HPD: variants seen among roughly 807,000 people sequenced by gnomAD.
HPD encodes 4-hydroxyphenylpyruvic acid oxidase.
A neutral mutation model predicts 56.9 loss-of-function variants in HPD; 35 were observed. That is an observed-to-expected ratio of 0.62 (90% CI 0.47 to 0.82). The LOEUF is 0.82. Ranked by LOEUF, HPD falls within the 40% of genes least tolerant of loss-of-function variation. HPD has a pLI of 0.00. For missense variants in HPD, 442 were observed against 506.8 expected, an observed-to-expected ratio of 0.87 and a Z score of 1.23; for synonymous variants, 186 against 200.2, an observed-to-expected ratio of 0.93 and a Z score of 0.60.
the HPD span, among the ~76,000 whole-genome samples, chr12:121,877,158 C>A: frequency 6.6e-6 from 1 of 151,284 alleles, no homozygotes; most frequent in Non-Finnish European, 1.5e-5. Flanking sequence ...AAGTGAGTGA[C>A]TACATGTCCA....
At chr12:121,845,588 C>A (rs1291811080) in intron 11 of HPD, among the ~76,000 whole-genome samples, 4 of 139,108 alleles carry the variant, frequency 2.9e-5, no homozygotes, top group South Asian at 2.5e-4. Flanking sequence ...GCGACAGAGC[C>A]AGGCTCCGTC....
intron 6 of HPD, 89 bp from the exon 7 acceptor site, chr12:121,854,881 G>T (rs756963509): frequency 1.0e-6 from 1 of 987,574 alleles, no homozygotes; most frequent in Non-Finnish European, 1.6e-6. Context: ...CCTCTGCGTG[G>T]TCCTGCAGGC....
the HPD span, among the ~76,000 whole-genome samples, chr12:121,886,993 C>T: frequency 1.4e-3 from 213 of 152,184 alleles, 1 homozygote; most frequent in Admixed American, 2.3e-3. Context: ...TCTGCCTCCC[C>T]GGTTCAAGCG....
chr12:121,886,056 A>G, the HPD span, among the ~76,000 whole-genome samples: 1 of 151,654 alleles, frequency 6.6e-6, no homozygotes, highest in East Asian at 2.0e-4. Flanking sequence ...CGGTCTCCCA[A>G]AATGCTGAGA....
the HPD span, among the ~76,000 whole-genome samples, chr12:121,876,808 G>T: frequency 6.6e-6 from 1 of 152,144 alleles, no homozygotes; most frequent in Non-Finnish European, 1.5e-5. Context: ...CTGTGGCAGG[G>T]CGCGGTGGCT....
chr12:121,849,920 G>A (rs1877710718), intron 7 of HPD, 130 bp from the exon 8 acceptor site: 1 of 696,216 alleles, frequency 1.4e-6, no homozygotes, highest in East Asian at 2.7e-5. Context: ...CGTGATCTTG[G>A]GTAAGTCACT....
chr12:121,856,588 T>A lies in HPD; in HGVS notation c.236A>T (p.Asn79Ile), dbSNP rs377187859. Residue 79 changes from asparagine to isoleucine, a missense_variant, in exon 5 of 14, where the codon AAC becomes ATC. Asn to Ile is a moderately radical substitution (Grantham distance 149, BLOSUM62 -3). Coordinates refer to ENST00000289004, the MANE Select transcript of HPD (RefSeq NM_002150.3). ...FVLSSALNPW[N>I]KEMGDHLVKH... The stretch of plus-strand genomic sequence containing the variant: ...ACCCTCCCCGGGCACCTCACCTTTG[T>A]TCCAGGGGTTGAGCGCTGAGGAGAG... 1.9e-6 allele frequency: 3 copies of A among 1,613,952 alleles called. No individual in the cohort carries two copies. In the African/African-American group the frequency reaches 4.0e-5, roughly 22 times the overall value.
At chr12:121,862,698 C>CT (rs34868560), upstream of HPD, among the ~76,000 whole-genome samples, 370 of 54,992 alleles carry the variant, frequency 6.7e-3, 23 homozygotes, top group Non-Finnish European at 7.9e-3. Flanking sequence ...TCAATGCAAG[C>CT]TTTTTTTTTT....
At chr12:121,840,459 C>T (rs1350925808) in intron 12 of HPD, among the ~76,000 whole-genome samples, 1 of 152,200 alleles carries the variant, frequency 6.6e-6, no homozygotes, top group East Asian at 1.9e-4. Context: ...GGCTACCATG[C>T]CCGGCTAATT....
chr12:121,840,776 A>C (rs1877381060), intron 12 of HPD, among the ~76,000 whole-genome samples: 2 of 146,822 alleles, frequency 1.4e-5, no homozygotes, highest in Non-Finnish European at 3.0e-5. Context: ...ATACGGATTA[A>C]AAAAAAAAAA....
chr12:121,880,433 A>G, the HPD span, among the ~76,000 whole-genome samples: 2 of 152,034 alleles, frequency 1.3e-5, no homozygotes, highest in Admixed American at 1.3e-4. Context: ...TGACCTCGTG[A>G]TCCACCCGCC....
upstream of HPD, chr12:121,858,920 C>T: frequency 6.9e-7 from 1 of 1,454,700 alleles, no homozygotes; most frequent in Non-Finnish European, 9.6e-7. Flanking sequence ...GGCCTCCTGG[C>T]CTACCTGGGG....
rs182295641 is a variant in HPD, at chr12:121,853,929, C to T, written c.414+774G>A. ...TCCAGCCTGGGCGACAGAGAGACTC[C>T]GTCTGAAAAAAGAAAAAAGAATAAA... On this transcript the variant is annotated intron_variant, in intron 7 of 13. Coordinates refer to ENST00000289004, the MANE Select transcript of HPD (RefSeq NM_002150.3). Among the ~76,000 whole-genome samples, 48 of 135,162 alleles carry T rather than the reference C, an allele frequency of 3.6e-4. 1 individual carries two copies. The highest frequency in any genetic ancestry group is 1.3e-3 in the African/African-American group (48 of 35,868). 88.7% of individuals were successfully genotyped at this position (135,162 alleles called of 152,430 possible).
chr12:121,885,664 T>A, the HPD span, among the ~76,000 whole-genome samples: 76 of 151,680 alleles, frequency 5.0e-4, no homozygotes, highest in Admixed American at 2.3e-3. Context: ...ACAATTTTTT[T>A]AAAAATCAGG....
chr12:121,856,394 T>TGATC lies in HPD; in HGVS notation c.250_253dup (p.His85ArgfsTer8), dbSNP rs1386803894. 1 of 1,614,164 alleles carries TGATC rather than the reference T, an allele frequency of 6.2e-7. No homozygotes were observed. Among genetic ancestry groups the TGATC allele is most frequent in the African/African-American group, 1.3e-5 (1 of 75,054 alleles). On this transcript the variant is annotated frameshift_variant, in exon 6 of 14. Coordinates refer to ENST00000289004, the MANE Select transcript of HPD (RefSeq NM_002150.3). LOFTEE classifies it high-confidence loss of function. ...CACTCCGTCACCGTGTTTCACCAGG[T>TGATC]GATCGCCCATCTCTGTGGCCGGCAG...
chr12:121,843,718 C>T lies in HPD; in HGVS notation c.946G>A (p.Ala316Thr). ...TCCTGCCTGGGCCTCACCTCCAGGG[C>T]ATCAATGTTCTCCTTCACCTTGATC... ...AKIKVKENID[A>T]LEELKILVDY... Residue 316 changes from alanine (A) to threonine (T), a missense_variant, in exon 12 of 14, where the codon GCC becomes ACC. Coordinates refer to ENST00000289004, the MANE Select transcript of HPD (RefSeq NM_002150.3). The T allele has an allele frequency of 6.2e-7, 1 of 1,614,098 alleles. No homozygotes were observed. Among genetic ancestry groups the T allele is most frequent in the Non-Finnish European group, 8.5e-7 (1 of 1,179,990 alleles).
chr12:121,864,469 C>T (rs534336547), upstream of HPD, among the ~76,000 whole-genome samples: 329 of 150,846 alleles, frequency 2.2e-3, 2 homozygotes, highest in African/African-American at 7.8e-3. Context: ...GGGAAGATCT[C>T]TTGAGCCCAG....
At chr12:121,876,311 A>T in the HPD span, among the ~76,000 whole-genome samples, 2 of 152,028 alleles carry the variant, frequency 1.3e-5, no homozygotes, top group Admixed American at 1.3e-4. Context: ...TGTGTCTAAA[A>T]AATAATAATA....
chr12:121,841,213 A>G, intron 12 of HPD, among the ~76,000 whole-genome samples: 1 of 151,424 alleles, frequency 6.6e-6, no homozygotes, highest in East Asian at 1.9e-4. Context: ...AAAAAAAAAA[A>G]AAAAAATTAG....
Sources: allele counts gnomAD v4.1 joint callset (sites outside exome capture counted in the v4.1 genomes callset), GRCh38; gene constraint gnomAD v4.1.1; transcripts MANE v1.5; gene names NCBI Gene and HGNC (gene_info 2026-07-23, HGNC 2026-07-21).